FRMD5: variants seen among roughly 807,000 people sequenced by gnomAD.
The protein encoded by FRMD5 is FERM domain-containing protein 5.
A neutral mutation model predicts 69.0 loss-of-function variants in FRMD5; 20 were observed. That is an observed-to-expected ratio of 0.29 (90% CI 0.20 to 0.42). FRMD5 has a LOEUF of 0.42. Among genes scored for constraint, FRMD5 ranks in the 10% least tolerant of loss-of-function variants. The pLI, the probability that FRMD5 is intolerant of heterozygous loss-of-function variation, is 1.00. For synonymous variants in FRMD5, 271 were observed against 260.1 expected (o/e 1.04, Z -0.40); for missense variants, 595 against 708.6 (o/e 0.84, Z 1.82).
At chr15:44,042,284 T>C (rs1397126452) in intron 1 of FRMD5, among the ~76,000 whole-genome samples, 3 of 151,832 alleles carry the variant, frequency 2.0e-5, no homozygotes, top group African/African-American at 7.3e-5. Flanking sequence ...ATTGAGGCAG[T>C]AATAGCCTAC....
At chr15:44,028,280 G>A (rs1207367028) in intron 1 of FRMD5, among the ~76,000 whole-genome samples, 1 of 152,168 alleles carries the variant, frequency 6.6e-6, no homozygotes, top group African/African-American at 2.4e-5. Context: ...TAACTGCCAT[G>A]CTAGGTCTAT....
At position 44,162,263 on chromosome 15, in the gene FRMD5, C is replaced by CTT. The variant is rs11357741; in HGVS notation, c.102+32688_102+32689dup. Among the ~76,000 whole-genome samples the CTT allele has an allele frequency of 3.6e-3, 445 of 125,020 alleles. 13 individuals are homozygous for CTT. The East Asian group carries it at 0.056, about 16-fold the overall frequency. The allele number at this position is 125,020 out of a possible 152,430, so 82.0% of individuals were successfully genotyped here. On this transcript the variant is annotated intron_variant, in intron 1 of 13. Coordinates refer to ENST00000417257, the MANE Select transcript of FRMD5 (RefSeq NM_032892.5). ...ACAGGTGTGAGCCACCGTGCCAGGC[C>CTT]TTTTTTTTTTTTTTTTTTAAGACAG...
intron 1 of FRMD5, among the ~76,000 whole-genome samples, chr15:44,154,815 T>A (rs1362322371): frequency 6.6e-6 from 1 of 152,132 alleles, no homozygotes; most frequent in African/African-American, 2.4e-5. Flanking sequence ...GGGTGCAGGG[T>A]TTCATTTTGG....
Position 43,874,210 on chromosome 15 carries a change from T to G in FRMD5, c.1388A>C (p.Glu463Ala). ...TCSIEEEKESEASTPTATEVE... is the reference protein window; with the variant it reads ...TCSIEEEKESAASTPTATEVE... ...CTCTGTAGCAGTTGGGGTGCTGGCT[T>G]CAGATTCCTTCTCCTCCTCAATGCT... The change falls in exon 14 of 14, where the codon GAA becomes GCA. Residue 463 changes from glutamate (E) to alanine (A), a missense_variant. Physicochemically the swap from Glu to Ala is moderately radical, Grantham distance 107. This residue lies in a region of FRMD5 where 245 missense variants were observed against 227.1 expected (regional missense o/e 1.08). Transcript: ENST00000417257. The G allele has an allele frequency of 6.2e-7, 1 of 1,614,178 alleles. No individual in the cohort carries two copies. Among genetic ancestry groups the G allele is most frequent in the Non-Finnish European group, 8.5e-7 (1 of 1,180,024 alleles).
intron 1 of FRMD5, among the ~76,000 whole-genome samples, chr15:44,122,795 T>C (rs1190999564): frequency 6.6e-6 from 1 of 151,058 alleles, no homozygotes; most frequent in Admixed American, 6.6e-5. Flanking sequence ...TCCCAGCTAC[T>C]CAGGAGAATG....
chr15:44,081,689 A>G (rs12903579), intron 1 of FRMD5, among the ~76,000 whole-genome samples: 9,786 of 152,124 alleles, frequency 0.064, 601 homozygotes, highest in Non-Finnish European at 0.087. Flanking sequence ...ATCCTCCTCA[A>G]ATAAAATTCT....
chr15:44,066,834 A>T (rs1893331570), intron 1 of FRMD5, among the ~76,000 whole-genome samples: 1 of 152,184 alleles, frequency 6.6e-6, no homozygotes, highest in South Asian at 2.1e-4. Flanking sequence ...CAAGATTAAA[A>T]GTAAAGGGAA....
rs111992199 is a variant in FRMD5 at position 44,072,592 on chromosome 15, G to A, written c.102+122361C>T. On this transcript the variant is annotated intron_variant, in intron 1 of 13. Coordinates refer to ENST00000417257, the MANE Select transcript of FRMD5 (RefSeq NM_032892.5). ...TACCTCCATTATGAAGCCTTCCAGT[G>A]GAAAGTTCTGGATGTTTTTGCTTTT... 6.8e-3 allele frequency among the ~76,000 whole-genome samples: 1,031 copies of A among 152,226 alleles called. 15 individuals carry two copies. The highest frequency in any genetic ancestry group is 0.024 in the African/African-American group (988 of 41,536).
At chr15:43,903,269 T>C (rs1427337099) in intron 6 of FRMD5, among the ~76,000 whole-genome samples, 4 of 152,248 alleles carry the variant, frequency 2.6e-5, no homozygotes, top group African/African-American at 7.2e-5. Context: ...ACATCTCTGA[T>C]GGCTGGTGGA....
intron 1 of FRMD5, among the ~76,000 whole-genome samples, chr15:44,058,760 TG>T (rs1196638192): frequency 7.7e-6 from 1 of 129,314 alleles, no homozygotes; most frequent in Non-Finnish European, 1.6e-5. Context: ...CACTCCAGCC[TG>T]GGCGACAGAG....
intron 12 of FRMD5, 43 bp downstream of exon 12, chr15:43,884,684 A>T: frequency 6.4e-7 from 1 of 1,567,184 alleles, no homozygotes; most frequent in South Asian, 1.1e-5. Flanking sequence ...AGATTCTGGG[A>T]TCTGAGCTAC....
chr15:44,040,992 C>CAAAAAAAA (rs71421819), intron 1 of FRMD5, among the ~76,000 whole-genome samples: 2 of 17,498 alleles, frequency 1.1e-4, no homozygotes, highest in African/African-American at 3.3e-4. Context: ...AAATGGAAAG[C>CAAAAAAAA]AAAAAAAAAA....
At chr15:43,916,529 G>T (rs7180583) in intron 4 of FRMD5, among the ~76,000 whole-genome samples, 3 of 152,202 alleles carry the variant, frequency 2.0e-5, no homozygotes, top group African/African-American at 7.2e-5. Context: ...ATTAAGAAGT[G>T]TAAGAGGCCG....
intron 1 of FRMD5, among the ~76,000 whole-genome samples, chr15:44,014,072 C>A (rs1473191882): frequency 6.6e-6 from 1 of 151,974 alleles, no homozygotes; most frequent in African/African-American, 2.4e-5. Flanking sequence ...GTTAGCCAGG[C>A]TGATCTCGAT....
intron 9 of FRMD5, 94 bp from the exon 10 acceptor site, chr15:43,888,360 C>G: frequency 1.2e-6 from 1 of 801,620 alleles, no homozygotes; most frequent in South Asian, 1.6e-5. Flanking sequence ...GTTAGAGGCC[C>G]TGGCAGCTGG....
At chr15:44,044,322 G>A (rs1892336571) in intron 1 of FRMD5, among the ~76,000 whole-genome samples, 1 of 152,186 alleles carries the variant, frequency 6.6e-6, no homozygotes, top group African/African-American at 2.4e-5. Flanking sequence ...CACTGTTGGT[G>A]GGACTGTAAA....
intron 7 of FRMD5, among the ~76,000 whole-genome samples, chr15:43,898,380 ATTC>A (rs1311968480): frequency 1.3e-5 from 2 of 152,228 alleles, no homozygotes; most frequent in African/African-American, 2.4e-5. Flanking sequence ...GAGGCTCAGT[ATTC>A]TTATCTTAAA....
At position 44,043,838 on chromosome 15, in the gene FRMD5, G is replaced by T. The variant is rs886210177; in HGVS notation, c.103-119529C>A. ...ATAAAAACCCTAGAAGAAAACCTAG[G>T]CAATACCATTCAGGACATAGGAGTG... On this transcript the variant is annotated intron_variant, in intron 1 of 13. Coordinates refer to ENST00000417257, the MANE Select transcript of FRMD5 (RefSeq NM_032892.5). Among the ~76,000 whole-genome samples, 10 of 152,080 alleles carry T rather than the reference G, an allele frequency of 6.6e-5. 1 individual carries two copies. The highest frequency in any genetic ancestry group is 5.9e-4 in the Admixed American group (9 of 15,264).
chr15:43,973,424 G>A (rs2090416967), intron 1 of FRMD5, among the ~76,000 whole-genome samples: 1 of 150,302 alleles, frequency 6.7e-6, no homozygotes, highest in Non-Finnish European at 1.5e-5. Flanking sequence ...GGAGTGCAAT[G>A]GCACGATATC....
Sources: gnomAD v4.1 joint callset for allele counts (sites outside exome capture counted in the v4.1 genomes callset) on GRCh38, gnomAD v4.1.1 for gene constraint, gnomAD v4.1.1 regional missense constraint, MANE v1.5 for transcripts, NCBI Gene and HGNC (gene_info 2026-07-23, HGNC 2026-07-21) for gene names.